The following LOC128092249 variants were observed in gnomAD, a reference collection of about 807,000 sequenced individuals.
At chr21:46,326,469 T>G in the LOC128092249 span, 1 of 1,614,264 alleles carries the variant, frequency 6.2e-7, no homozygotes, top group Non-Finnish European at 8.5e-7. Context: ...TCGATGCGTC[T>G]GTCCAGGAGG....
chr21:46,326,445 G>T, the LOC128092249 span: 1 of 1,614,236 alleles, frequency 6.2e-7, no homozygotes, highest in Non-Finnish European at 8.5e-7. Context: ...CGGCGAAGAG[G>T]AAGGGCTCGG....
At chr21:46,326,316 G>T in the LOC128092249 span, 8 of 1,519,324 alleles carry the variant, frequency 5.3e-6, no homozygotes, top group South Asian at 6.9e-5. Context: ...TTGACTTTGT[G>T]GTTCTGTTAT....
Sources: allele counts gnomAD v4.1 joint callset, GRCh38; gene constraint gnomAD v4.1.1; transcripts MANE v1.5.